COL1A2: variants seen among roughly 807,000 people sequenced by gnomAD.
The protein encoded by COL1A2 is collagen type I alpha 2 chain, also known as collagen alpha-2(I) chain.
Under a neutral mutation model 174.3 loss-of-function variants are expected in COL1A2, and 49 were observed. The observed-to-expected ratio is 0.28, with a 90% CI of 0.22 to 0.36. The LOEUF is 0.36. Ranked by LOEUF, COL1A2 falls within the 10% of genes least tolerant of loss-of-function variation. The pLI, the probability that COL1A2 is intolerant of heterozygous loss-of-function variation, is 1.00. For synonymous variants in COL1A2, 655 were observed against 606.6 expected (o/e 1.08, Z -1.17); for missense variants, 1,438 against 1,822.7 (o/e 0.79, Z 3.84).
intron 29 of COL1A2, 107 bp from the exon 30 acceptor site, chr7:94,415,119 T>C: frequency 1.0e-6 from 1 of 954,188 alleles, no homozygotes; most frequent in South Asian, 1.3e-5. Context: ...CTCATGTAGA[T>C]ACTGCCAGGT....
Position 94,411,143 on chromosome 7 carries a change from A to C in COL1A2, c.1339A>C (p.Met447Leu). The change falls in exon 23 of 52, where the codon ATG becomes CTG. Residue 447 changes from methionine to leucine, a missense_variant. This residue lies in a region of COL1A2 where 867 missense variants were observed against 1,213.7 expected (regional missense o/e 0.71). Coordinates refer to ENST00000297268, the MANE Select transcript of COL1A2 (RefSeq NM_000089.4). ...DAGRPGEPGL[M>L]GPRGLPGSPG... ...TGGTCGCCCTGGGGAGCCTGGTCTC[A>C]TGGGACCCAGAGTAAGTTTCAAACT... is the stretch of plus-strand genomic sequence containing the variant. The C allele has an allele frequency of 1.3e-6, 2 of 1,583,434 alleles. No homozygotes were observed. Among genetic ancestry groups the C allele is most frequent in the Non-Finnish European group, 1.7e-6 (2 of 1,164,142 alleles).
intron 30 of COL1A2, among the ~76,000 whole-genome samples, chr7:94,415,762 G>A (rs10228528): frequency 0.084 from 12,820 of 152,124 alleles, 1,277 homozygotes; most frequent in East Asian, 0.37. Flanking sequence ...CACATATGTA[G>A]GAAGCTCAAA....
At chr7:94,403,503 CATG>C (rs1791731378) in intron 6 of COL1A2, among the ~76,000 whole-genome samples, 2 of 152,042 alleles carry the variant, frequency 1.3e-5, no homozygotes, top group Non-Finnish European at 2.9e-5. Flanking sequence ...ATTAGAAATT[CATG>C]ATGTCAAAGA....
At chr7:94,413,863 C>T in intron 27 of COL1A2, 31 bp from the exon 28 acceptor site, 2 of 1,613,268 alleles carry the variant, frequency 1.2e-6, no homozygotes, top group East Asian at 2.2e-5. Context: ...ACATACGTTG[C>T]TATTTATGCT....
chr7:94,407,690 T>C (rs1791830596), intron 12 of COL1A2, among the ~76,000 whole-genome samples, 157 bp from the exon 13 acceptor site: 1 of 152,184 alleles, frequency 6.6e-6, no homozygotes, highest in Non-Finnish European at 1.5e-5. Flanking sequence ...CATTTTAAAA[T>C]CTGTGTGTCT....
At position 94,413,131 on chromosome 7, in the gene COL1A2, G is replaced by T. The variant is rs1472821161; in HGVS notation, c.1552G>T (p.Ala518Ser). 6.2e-7 allele frequency: 1 copy of T among 1,614,162 alleles called. No individual in the cohort carries two copies. The change falls in exon 26 of 52, where the codon GCT becomes TCT. Residue 518 changes from alanine to serine, a missense_variant. Physicochemically the swap from Ala to Ser is moderately conservative, Grantham distance 99 (BLOSUM62 1). This residue lies in a region of COL1A2 where 867 missense variants were observed against 1,213.7 expected (regional missense o/e 0.71). Coordinates refer to ENST00000297268, the MANE Select transcript of COL1A2 (RefSeq NM_000089.4). ...GDKGHAGLAG[A>S]RGAPGPDGNN... Reference sequence around the variant, plus strand: ...TAAAGGTCATGCTGGTCTTGCTGGTGCTCGGGTAGGTGCTAACTTGTGTAC... The same window carrying T: ...TAAAGGTCATGCTGGTCTTGCTGGTTCTCGGGTAGGTGCTAACTTGTGTAC...
chr7:94,398,127 T>C (rs1371097572), intron 2 of COL1A2, among the ~76,000 whole-genome samples: 1 of 152,114 alleles, frequency 6.6e-6, no homozygotes, highest in Non-Finnish European at 1.5e-5. Context: ...AACACATTCT[T>C]AGCTCATGAG....
intron 1 of COL1A2, among the ~76,000 whole-genome samples, 192 bp from the exon 2 acceptor site, chr7:94,397,556 C>T (rs1333910236): frequency 6.6e-6 from 1 of 151,876 alleles, no homozygotes; most frequent in Non-Finnish European, 1.5e-5. Context: ...AAACAAATCA[C>T]CCTGCTGATC....
At position 94,410,404 on chromosome 7, in the gene COL1A2, T is replaced by A; in HGVS notation, c.1090-16T>A. ...ATTTTTTTACTCCCTCTTCTTTTGT[T>A]CTTTTCATTAAACAGGGCTCTGCTG... On this transcript the variant is annotated splice_polypyrimidine_tract_variant and intron_variant, in intron 20 of 51. Coordinates refer to ENST00000297268, the MANE Select transcript of COL1A2 (RefSeq NM_000089.4). 1 of 1,554,714 alleles carries A rather than the reference T, an allele frequency of 6.4e-7. No individual in the cohort carries two copies. The highest frequency in any genetic ancestry group is 1.2e-5 in the South Asian group (1 of 84,402).
At position 94,427,686 on chromosome 7, in the gene COL1A2, C is replaced by T. The variant is rs1334598271; in HGVS notation, c.3327C>T (p.Asp1109=). Residue 1109 remains aspartate (D), a synonymous_variant, in exon 49 of 52, where the codon GAC becomes GAT. Transcript: ENST00000297268. The stretch of plus-strand genomic sequence containing the variant: ...CAGGTGTAAGCGGTGGTGGTTATGA[C>T]TTTGGTTACGATGGAGACTTCTACA... ...GPPGVSGGGY[D]FGYDGDFYRA... is the part of the protein sequence containing the mutation. 3 of 1,614,138 alleles carry T rather than the reference C, an allele frequency of 1.9e-6. No homozygotes were observed. Among genetic ancestry groups the T allele is most frequent in the Non-Finnish European group, 2.5e-6 (3 of 1,180,022 alleles).
intron 28 of COL1A2, 97 bp from the exon 29 acceptor site, chr7:94,414,125 T>G (rs987086040): frequency 2.9e-6 from 4 of 1,368,422 alleles, no homozygotes; most frequent in Non-Finnish European, 4.2e-6. Context: ...ATCGTGCTCA[T>G]GTTGATATTT....
In COL1A2 at chr7:94,408,627, G is replaced by A. The variant is rs150273134; in HGVS notation, c.739-143G>A. 8.9e-4 allele frequency: 901 copies of A among 1,016,220 alleles called. 1 individual carries two copies. Among genetic ancestry groups the A allele is most frequent in the Admixed American group, 1.6e-3 (79 of 49,424 alleles). 63.0% of individuals were successfully genotyped at this position (1,016,220 alleles called of 1,614,324 possible). A position where few individuals can be genotyped will look rare whatever the true frequency, so the allele number is the denominator to read the frequency against. On this transcript the variant is annotated intron_variant, in intron 15 of 51. Coordinates refer to ENST00000297268, the MANE Select transcript of COL1A2 (RefSeq NM_000089.4). ...GTCTTGCCTTTGATGAGATCCTAAC[G>A]ACAACAGACTGGTTGTCAGTTTTTT...
At chr7:94,408,015 C>A in intron 13 of COL1A2, 124 bp downstream of exon 13, 1 of 1,165,198 alleles carries the variant, frequency 8.6e-7, no homozygotes, top group Non-Finnish European at 1.3e-6. Context: ...TTTCTAATAG[C>A]CTTCTGATAC....
intron 21 of COL1A2, 126 bp from the exon 22 acceptor site, chr7:94,410,763 A>G: frequency 9.3e-7 from 1 of 1,079,208 alleles, no homozygotes; most frequent in Non-Finnish European, 1.4e-6. Context: ...GGGTTGGGTG[A>G]AGTGTTTTGG....
At chr7:94,421,688 C>A (rs1379655258) in intron 38 of COL1A2, among the ~76,000 whole-genome samples, 2 of 152,148 alleles carry the variant, frequency 1.3e-5, no homozygotes. Context: ...ATGGGCATTG[C>A]AACTGGTAAT....
chr7:94,414,155 C>T, intron 28 of COL1A2, 67 bp from the exon 29 acceptor site: 2 of 1,558,434 alleles, frequency 1.3e-6, no homozygotes, highest in Non-Finnish European at 1.8e-6. Flanking sequence ...CACCCCCAAA[C>T]TCAATTATTA....
rs1792377837 is a variant in COL1A2 at position 94,430,529 on chromosome 7, A to G, written c.*136A>G. ...TCTACTTGCTTAAATTGTGGGCAAAAGAGAAAAAGAAGGATTGATCAGAGC... is the reference window on the plus strand; with the variant it reads ...TCTACTTGCTTAAATTGTGGGCAAAGGAGAAAAAGAAGGATTGATCAGAGC... On this transcript the variant is annotated 3_prime_UTR_variant, in exon 52 of 52. Coordinates refer to ENST00000297268, the MANE Select transcript of COL1A2 (RefSeq NM_000089.4). The G allele has an allele frequency of 2.2e-6, 2 of 909,042 alleles. No individual in the cohort carries two copies. The highest frequency in any genetic ancestry group is 3.4e-6 in the Non-Finnish European group (2 of 594,946). 56.3% of individuals were successfully genotyped at this position (909,042 alleles called of 1,614,324 possible).
intron 33 of COL1A2, among the ~76,000 whole-genome samples, chr7:94,418,864 A>G (rs1172189720): frequency 6.6e-6 from 1 of 151,756 alleles, no homozygotes. Flanking sequence ...TTCAAGTGAT[A>G]ACAGAGATTA....
At position 94,395,573 on chromosome 7, in the gene COL1A2, G is replaced by A. The variant is rs529789714; in HGVS notation, c.70+472G>A. ...AGCTTTTATCTTCTGGGCATTGTAA[G>A]GCTTGTCCGGAGGAGGAGGATGACG... On this transcript the variant is annotated intron_variant, in intron 1 of 51. Coordinates refer to ENST00000297268, the MANE Select transcript of COL1A2 (RefSeq NM_000089.4). 3.6e-5 allele frequency: 10 copies of A among 277,188 alleles called. No homozygotes were observed. The Admixed American group carries it at 5.1e-4, about 14-fold the overall frequency. The allele number at this position is 277,188 out of a possible 1,614,324, so 17.2% of individuals were successfully genotyped here.
Sources: gnomAD v4.1 joint callset for allele counts (sites outside exome capture counted in the v4.1 genomes callset) on GRCh38, gnomAD v4.1.1 for gene constraint, gnomAD v4.1.1 regional missense constraint, MANE v1.5 for transcripts, NCBI Gene and HGNC (gene_info 2026-07-23, HGNC 2026-07-21) for gene names.